NDUFS4: variants seen among roughly 807,000 people sequenced by gnomAD.
NDUFS4 encodes NADH:ubiquinone oxidoreductase subunit S4, also known as NADH dehydrogenase [ubiquinone] iron-sulfur protein 4, mitochondrial.
NDUFS4 carries 28 observed loss-of-function variants against 24.3 expected under a neutral mutation model. That is an observed-to-expected ratio of 1.15 (90% confidence interval 0.85 to 1.58). NDUFS4 has a LOEUF of 1.58. Among genes scored for constraint, NDUFS4 ranks in the 40% most tolerant of loss-of-function variants. NDUFS4 has a pLI of 0.00. For synonymous variants in NDUFS4, 93 were observed against 69.7 expected, an observed-to-expected ratio of 1.34 and a Z score of -1.67; for missense variants, 223 against 207.9, an observed-to-expected ratio of 1.07 and a Z score of -0.45.
At chr5:53,675,843 T>TCAG (rs1338361594) in intron 4 of NDUFS4, among the ~76,000 whole-genome samples, 1 of 151,996 alleles carries the variant, frequency 6.6e-6, no homozygotes, top group Non-Finnish European at 1.5e-5. Flanking sequence ...AGAGTCAGAG[T>TCAG]CAGCAGAGTT....
At chr5:53,585,145 GT>G (rs564425747) in intron 1 of NDUFS4, among the ~76,000 whole-genome samples, 22 of 152,268 alleles carry the variant, frequency 1.4e-4, no homozygotes, top group African/African-American at 4.3e-4. Context: ...AGAAGTACTG[GT>G]TTTGTGTCTC....
chr5:53,620,960 G>C (rs965216145), intron 2 of NDUFS4, among the ~76,000 whole-genome samples: 1 of 152,140 alleles, frequency 6.6e-6, no homozygotes, highest in Non-Finnish European at 1.5e-5. Flanking sequence ...TAAGTTTTAA[G>C]TTGACTAATA....
At chr5:53,623,074 T>C (rs891755764) in intron 2 of NDUFS4, among the ~76,000 whole-genome samples, 1 of 152,250 alleles carries the variant, frequency 6.6e-6, no homozygotes, top group African/African-American at 2.4e-5. Flanking sequence ...AATGCTGCTA[T>C]TAATATGGAT....
chr5:53,647,179 TAATAATA>T lies in NDUFS4; in HGVS notation c.350+783_350+789del, dbSNP rs1432117455. ...TTATAAGTTCCTGAGATATTGTGAT[TAATAATA>T]AATAATAATAAATTACTTTTAATTT... On this transcript the variant is annotated intron_variant, in intron 3 of 4. Coordinates refer to ENST00000296684, the MANE Select transcript of NDUFS4 (RefSeq NM_002495.4). Among the ~76,000 whole-genome samples, 5 of 151,568 alleles carry T rather than the reference TAATAATA, an allele frequency of 3.3e-5. No individual in the cohort carries two copies. The East Asian group carries it at 9.6e-4, about 29-fold the overall frequency.
chr5:53,594,376 A>G (rs1161423017), intron 1 of NDUFS4, among the ~76,000 whole-genome samples: 2 of 152,094 alleles, frequency 1.3e-5, no homozygotes, highest in Non-Finnish European at 2.9e-5. Flanking sequence ...TAGTGTTAAC[A>G]TGCTATGTCT....
At chr5:53,597,319 A>C (rs938192712) in intron 1 of NDUFS4, among the ~76,000 whole-genome samples, 2 of 152,220 alleles carry the variant, frequency 1.3e-5, no homozygotes, top group Non-Finnish European at 2.9e-5. Context: ...GGAAACACAC[A>C]TAACCTCAGT....
intron 2 of NDUFS4, among the ~76,000 whole-genome samples, chr5:53,607,053 G>A (rs1218517022): frequency 6.6e-6 from 1 of 152,134 alleles, no homozygotes; most frequent in Non-Finnish European, 1.5e-5. Flanking sequence ...ACCTGCAGTT[G>A]ATTTAATCCA....
chr5:53,623,768 GAGTGC>G lies in NDUFS4; in HGVS notation c.177+20243_177+20247del, dbSNP rs1751130542. 2.6e-5 allele frequency among the ~76,000 whole-genome samples: 4 copies of G among 152,170 alleles called. No individual in the cohort carries two copies. The South Asian group carries it at 8.3e-4, about 32-fold the overall frequency. ...GGAATCTCCTCTGTCACCCAGGCTA[GAGTGC>G]AGTGGCGCAATCTCGGCTCACTACA... On this transcript the variant is annotated intron_variant, in intron 2 of 4. Coordinates refer to ENST00000296684, the MANE Select transcript of NDUFS4 (RefSeq NM_002495.4).
chr5:53,661,507 G>T (rs75686760), intron 4 of NDUFS4, among the ~76,000 whole-genome samples: 1 of 151,386 alleles, frequency 6.6e-6, no homozygotes, highest in Admixed American at 6.6e-5. Context: ...TCCATATGAA[G>T]TTTAAAGTAG....
At chr5:53,667,443 C>T (rs1264093121) in intron 4 of NDUFS4, among the ~76,000 whole-genome samples, 1 of 146,752 alleles carries the variant, frequency 6.8e-6, no homozygotes, top group African/African-American at 2.5e-5. Context: ...CCAGCCTGGG[C>T]AACAAGCTCC....
chr5:53,590,496 T>C (rs1749913473), intron 1 of NDUFS4, among the ~76,000 whole-genome samples: 1 of 152,160 alleles, frequency 6.6e-6, no homozygotes, highest in African/African-American at 2.4e-5. Context: ...TTTTAAAAAG[T>C]ATATAATTTG....
Position 53,646,268 on chromosome 5 carries a change from T to C in NDUFS4, c.213T>C (p.His71=). Residue 71 remains histidine (H), a synonymous_variant, in exon 3 of 5, where the codon CAT becomes CAC. Transcript: ENST00000296684. ...CTTTAACTGGAGTTCCAGAAGAGCA[T>C]ATAAAAACTAGAAAAGTCAGGATCT... is the stretch of plus-strand genomic sequence containing the variant. The part of the protein sequence containing the change: ...ITTLTGVPEE[H]IKTRKVRIFV... The C allele has an allele frequency of 6.2e-7, 1 of 1,612,916 alleles. No homozygotes were observed. The highest frequency in any genetic ancestry group is 8.5e-7 in the Non-Finnish European group (1 of 1,179,130).
At position 53,571,406 on chromosome 5, in the gene NDUFS4, T is replaced by C. The variant is rs1351232825; in HGVS notation, c.98+10646T>C. ...TTTTTATTGAAGAATAGTATTCTATTGTATGGACAAACCACATTTTATTTT... is the reference window on the plus strand; with the variant it reads ...TTTTTATTGAAGAATAGTATTCTATCGTATGGACAAACCACATTTTATTTT... On this transcript the variant is annotated intron_variant, in intron 1 of 4. Transcript: ENST00000296684. Among the ~76,000 whole-genome samples the C allele has an allele frequency of 2.6e-5, 4 of 152,258 alleles. No individual in the cohort carries two copies. In the South Asian group the frequency reaches 8.3e-4, roughly 31 times the overall value.
intron 2 of NDUFS4, among the ~76,000 whole-genome samples, chr5:53,618,628 C>T (rs550880617): frequency 6.8e-4 from 103 of 152,262 alleles, no homozygotes; most frequent in African/African-American, 2.4e-3. Context: ...TCTCAATATA[C>T]AGTTTCTGAC....
chr5:53,671,095 G>A (rs940279339), intron 4 of NDUFS4, among the ~76,000 whole-genome samples: 9 of 151,978 alleles, frequency 5.9e-5, no homozygotes, highest in East Asian at 3.9e-4. Context: ...GTATAGGGAC[G>A]TACTATATAC....
At chr5:53,602,955 C>T (rs1163234665) in intron 1 of NDUFS4, among the ~76,000 whole-genome samples, 2 of 152,168 alleles carry the variant, frequency 1.3e-5, no homozygotes, top group African/African-American at 4.8e-5. Flanking sequence ...GAATGGGCTA[C>T]AGGACTAAAC....
At chr5:53,634,625 C>T (rs1188484424) in intron 2 of NDUFS4, among the ~76,000 whole-genome samples, 1 of 151,994 alleles carries the variant, frequency 6.6e-6, no homozygotes, top group East Asian at 1.9e-4. Flanking sequence ...TCTCCCTCTT[C>T]CCTTTTTCCT....
At chr5:53,658,782 TC>T in intron 4 of NDUFS4, 158 bp downstream of exon 4, 6 of 77,274 alleles carry the variant, frequency 7.8e-5, no homozygotes, top group East Asian at 2.0e-4. Flanking sequence ...AACACCCACC[TC>T]CAAAAAAAAA....
At chr5:53,620,651 A>G (rs183877563) in intron 2 of NDUFS4, among the ~76,000 whole-genome samples, 23 of 152,312 alleles carry the variant, frequency 1.5e-4, no homozygotes, top group Admixed American at 1.4e-3. Flanking sequence ...GAAACTTTCT[A>G]CCTATTCTTA....
Sources: gnomAD v4.1 joint callset for allele counts (sites outside exome capture counted in the v4.1 genomes callset) on GRCh38, gnomAD v4.1.1 for gene constraint, MANE v1.5 for transcripts, NCBI Gene and HGNC (gene_info 2026-07-23, HGNC 2026-07-21) for gene names.